Variants in ZC3H11A observed in about 807,000 individuals in gnomAD.
ZC3H11A encodes zinc finger CCCH domain-containing protein 11A.
ZC3H11A carries 22 observed loss-of-function variants against 90.8 expected under a neutral mutation model. The observed-to-expected ratio is 0.24, with a 90% CI of 0.17 to 0.35. ZC3H11A has a LOEUF of 0.35. Ranked by LOEUF, ZC3H11A falls within the 10% of genes least tolerant of loss-of-function variation. ZC3H11A has a pLI of 1.00. For synonymous variants in ZC3H11A, 294 were observed against 339.8 expected, an observed-to-expected ratio of 0.87 and a Z score of 1.48; for missense variants, 701 against 964.9, an observed-to-expected ratio of 0.73 and a Z score of 3.62.
chr1:203,796,683 C>G (rs916387810), intron 1 of ZC3H11A: 1 of 380,068 alleles, frequency 2.6e-6, no homozygotes, highest in Non-Finnish European at 4.7e-6. Flanking sequence ...TCACTTTTTG[C>G]TATCTCTATA....
At chr1:203,815,907 G>A (rs1676224997) in intron 2 of ZC3H11A, among the ~76,000 whole-genome samples, 1 of 152,182 alleles carries the variant, frequency 6.6e-6, no homozygotes, top group Admixed American at 6.6e-5. Context: ...ACGTTTTAGT[G>A]TGGAGATCAG....
At chr1:203,826,812 C>T (rs554085497) in intron 4 of ZC3H11A, among the ~76,000 whole-genome samples, 2 of 152,138 alleles carry the variant, frequency 1.3e-5, no homozygotes, top group South Asian at 2.1e-4. Context: ...CTTTTTTCCC[C>T]CTTTTTTGAA....
In ZC3H11A at chr1:203,854,029, A is replaced by G. The variant is rs1689730650; in HGVS notation, c.*1630A>G. ...GTTTCATATTTAAAGCACTTGTATT[A>G]GTCAATGTTTCGTGTTCCGCATTAT... On this transcript the variant is annotated 3_prime_UTR_variant, in exon 18 of 18. Transcript: ENST00000367210. The G allele has an allele frequency of 6.6e-6, 1 of 152,642 alleles. No homozygotes were observed. The highest frequency in any genetic ancestry group is 2.4e-5 in the African/African-American group (1 of 41,456). 9.5% of individuals were successfully genotyped at this position (152,642 alleles called of 1,614,324 possible). A position where few individuals can be genotyped will look rare whatever the true frequency, so the allele number is the denominator to read the frequency against.
intron 10 of ZC3H11A, among the ~76,000 whole-genome samples, chr1:203,836,441 G>A (rs945719874): frequency 2.6e-5 from 4 of 152,114 alleles, no homozygotes; most frequent in African/African-American, 9.7e-5. Flanking sequence ...TAAACAACTT[G>A]TATTGAACAG....
At chr1:203,798,091 T>C (rs1433745051) in intron 1 of ZC3H11A, 1 of 1,536,124 alleles carries the variant, frequency 6.5e-7, no homozygotes, top group Non-Finnish European at 8.7e-7. Context: ...GCCAACAAGT[T>C]TGGAGTTGCT....
intron 8 of ZC3H11A, among the ~76,000 whole-genome samples, chr1:203,830,822 A>AT (rs1345101182): frequency 6.6e-6 from 1 of 152,036 alleles, no homozygotes; most frequent in Non-Finnish European, 1.5e-5. Flanking sequence ...AAGAAAAAAA[A>AT]GGAAAAACGT....
At position 203,841,481 on chromosome 1, in the gene ZC3H11A, T is replaced by C. The variant is rs1384845138; in HGVS notation, c.1042+1107T>C. On this transcript the variant is annotated intron_variant, in intron 12 of 17. Coordinates refer to ENST00000367210, the MANE Select transcript of ZC3H11A (RefSeq NM_001376342.1). The stretch of plus-strand genomic sequence containing the variant: ...GAGCACGGGGTTGGGAGTAAAGTTA[T>C]AGATTAACAGCATCCCAAGGCAGAA... Among the ~76,000 whole-genome samples, 6 of 152,252 alleles carry C rather than the reference T, an allele frequency of 3.9e-5. No individual in the cohort carries two copies. In the East Asian group the frequency reaches 9.6e-4, roughly 24 times the overall value.
At chr1:203,810,007 A>G (rs1450459731) in intron 2 of ZC3H11A, among the ~76,000 whole-genome samples, 1 of 152,122 alleles carries the variant, frequency 6.6e-6, no homozygotes, top group Admixed American at 6.5e-5. Flanking sequence ...GGCAACCTAG[A>G]TACTTTTTTT....
At chr1:203,808,422 G>T (rs932737811) in intron 2 of ZC3H11A, among the ~76,000 whole-genome samples, 1 of 152,298 alleles carries the variant, frequency 6.6e-6, no homozygotes. Context: ...GTATAGCAGA[G>T]ATGTCTTTAA....
intron 3 of ZC3H11A, among the ~76,000 whole-genome samples, chr1:203,817,342 T>C (rs1676697226): frequency 6.6e-6 from 1 of 152,208 alleles, no homozygotes; most frequent in African/African-American, 2.4e-5. Flanking sequence ...TGTACAAAAG[T>C]GAAAAGGCAC....
chr1:203,819,369 CT>C (rs573466370), intron 4 of ZC3H11A, among the ~76,000 whole-genome samples: 2,589 of 146,490 alleles, frequency 0.018, 72 homozygotes, highest in African/African-American at 0.057. Context: ...TTACAGGCAC[CT>C]GCCACCATGG....
chr1:203,800,012 C>G (rs1167044460), intron 1 of ZC3H11A: 14 of 1,536,074 alleles, frequency 9.1e-6, no homozygotes, highest in Non-Finnish European at 1.1e-5. Context: ...ATTCATTTAC[C>G]TCATCTCTAA....
chr1:203,799,119 G>C, intron 1 of ZC3H11A: 1 of 1,528,888 alleles, frequency 6.5e-7, no homozygotes, highest in Non-Finnish European at 8.8e-7. Flanking sequence ...TTTGGCTAAA[G>C]ACTGTTTGAT....
At position 203,852,705 on chromosome 1, in the gene ZC3H11A, T is replaced by G. The variant is rs1472255592; in HGVS notation, c.*306T>G. The G allele has an allele frequency of 5.2e-6, 2 of 384,800 alleles. No homozygotes were observed. Among genetic ancestry groups the G allele is most frequent in the Non-Finnish European group, 9.5e-6 (2 of 210,328 alleles). The allele number at this position is 384,800 out of a possible 1,614,324, so 23.8% of individuals were successfully genotyped here. On this transcript the variant is annotated 3_prime_UTR_variant, in exon 18 of 18. Transcript: ENST00000367210. ...TCAAGTGAAAGGGTGCAAGCGAACT[T>G]AGTGACTCCTTGAGGTGTTTGTCAG... is the stretch of plus-strand genomic sequence containing the variant.
intron 10 of ZC3H11A, among the ~76,000 whole-genome samples, chr1:203,834,905 A>G (rs1445511987): frequency 6.6e-6 from 1 of 152,222 alleles, no homozygotes; most frequent in African/African-American, 2.4e-5. Flanking sequence ...CTGCCTCCCA[A>G]AGTGCTGGGA....
chr1:203,841,170 G>A (rs1686054459), intron 12 of ZC3H11A, among the ~76,000 whole-genome samples: 1 of 136,468 alleles, frequency 7.3e-6, no homozygotes, highest in Non-Finnish European at 1.6e-5. Flanking sequence ...TTTTTTTTTA[G>A]TATTTATTGA....
At chr1:203,844,741 G>C (rs866076926) in intron 12 of ZC3H11A, among the ~76,000 whole-genome samples, 7 of 152,190 alleles carry the variant, frequency 4.6e-5, no homozygotes, top group South Asian at 2.1e-4. Context: ...GGGAGGTCTG[G>C]GGGCTCATAC....
At chr1:203,834,070 C>G in intron 10 of ZC3H11A, 3 of 1,216,926 alleles carry the variant, frequency 2.5e-6, no homozygotes, top group Non-Finnish European at 3.1e-6. Flanking sequence ...TGACCATGAC[C>G]AGCGTTTTGG....
chr1:203,824,191 C>G (rs1177146188), intron 4 of ZC3H11A, among the ~76,000 whole-genome samples: 1 of 151,080 alleles, frequency 6.6e-6, no homozygotes, highest in African/African-American at 2.4e-5. Context: ...TCGCTTGAAC[C>G]TGGGAGGTGG....
Sources: gnomAD v4.1 joint callset for allele counts (sites outside exome capture counted in the v4.1 genomes callset) on GRCh38, gnomAD v4.1.1 for gene constraint, MANE v1.5 for transcripts, NCBI Gene and HGNC (gene_info 2026-07-23, HGNC 2026-07-21) for gene names.